Variants in RIMS1 observed in about 807,000 individuals in gnomAD.
RIMS1 encodes regulating synaptic membrane exocytosis 1, also known as regulating synaptic membrane exocytosis protein 1.
In RIMS1, 83 loss-of-function variants were observed where a neutral mutation model predicts 214.1. The ratio of observed to expected loss-of-function variants is 0.39; its 90% CI spans 0.32 to 0.47. The LOEUF (loss-of-function observed/expected upper bound fraction) is 0.47. Among genes scored for constraint, RIMS1 ranks in the 20% least tolerant of loss-of-function variants. The pLI, the probability that RIMS1 is intolerant of heterozygous loss-of-function variation, is 0.99. For synonymous variants in RIMS1, 793 were observed against 786.8 expected, an observed-to-expected ratio of 1.01 and a Z score of -0.13; for missense variants, 2,050 against 2,161.8, an observed-to-expected ratio of 0.95 and a Z score of 1.03.
chr6:72,357,957 C>T (rs1047487879), intron 29 of RIMS1, among the ~76,000 whole-genome samples: 8 of 152,146 alleles, frequency 5.3e-5, no homozygotes, highest in Admixed American at 5.2e-4. Context: ...TGATGCTCAA[C>T]GTCTTTACAT....
rs2095556755 is a variant in RIMS1 at position 72,312,438 on chromosome 6, G to A, written c.3964-1068G>A. On this transcript the variant is annotated intron_variant, in intron 27 of 33. Coordinates refer to ENST00000521978, the MANE Select transcript of RIMS1 (RefSeq NM_014989.7). ...ATTATAACATATATAAAAATAATAT[G>A]TAATATATAAGCTATTCACTGTGTG... Among the ~76,000 whole-genome samples the A allele has an allele frequency of 2.0e-5, 3 of 151,764 alleles. No individual in the cohort carries two copies. In the South Asian group the frequency reaches 6.2e-4, roughly 31 times the overall value.
chr6:72,337,711 G>C (rs1368174980), intron 29 of RIMS1, among the ~76,000 whole-genome samples: 1 of 149,320 alleles, frequency 6.7e-6, no homozygotes, highest in Non-Finnish European at 1.5e-5. Context: ...TTTAGCATTA[G>C]GTATATCTCC....
intron 4 of RIMS1, among the ~76,000 whole-genome samples, chr6:72,134,118 A>G (rs2040889087): frequency 6.6e-6 from 1 of 152,124 alleles, no homozygotes; most frequent in African/African-American, 2.4e-5. Context: ...GTCTTCCTTT[A>G]AAGACAATAC....
intron 29 of RIMS1, among the ~76,000 whole-genome samples, chr6:72,381,553 C>G (rs72935588): frequency 1.3e-5 from 2 of 152,334 alleles, no homozygotes; most frequent in Non-Finnish European, 2.9e-5. Flanking sequence ...GTATACAAAT[C>G]TCTTTACTTA....
intron 6 of RIMS1, among the ~76,000 whole-genome samples, chr6:72,225,569 G>T (rs1229703202): frequency 6.6e-6 from 1 of 152,100 alleles, no homozygotes; most frequent in African/African-American, 2.4e-5. Flanking sequence ...AACTTGCCCA[G>T]CACAACAATT....
At chr6:72,182,173 A>G (rs1023001766) in intron 5 of RIMS1, 111 bp from the exon 6 acceptor site, 6 of 1,207,488 alleles carry the variant, frequency 5.0e-6, no homozygotes, top group South Asian at 1.8e-5. Flanking sequence ...CCAAATCCCT[A>G]TAACTAATTA....
Position 72,177,381 on chromosome 6 carries a change from A to G in RIMS1, c.472-2194A>G, listed in dbSNP as rs539380339. Reference sequence around the variant, plus strand: ...ATTCTTCTGCCTCAGCCTCCCAAGTAGCTGGGATTATAGGCATGCACCACC... The same window carrying G: ...ATTCTTCTGCCTCAGCCTCCCAAGTGGCTGGGATTATAGGCATGCACCACC... On this transcript the variant is annotated intron_variant, in intron 4 of 33. Transcript: ENST00000521978. 2.6e-5 allele frequency among the ~76,000 whole-genome samples: 4 copies of G among 152,206 alleles called. No individual in the cohort carries two copies. In the East Asian group the frequency reaches 5.8e-4, roughly 22 times the overall value.
At chr6:72,197,451 A>G (rs961774109) in intron 6 of RIMS1, among the ~76,000 whole-genome samples, 20 of 152,190 alleles carry the variant, frequency 1.3e-4, no homozygotes, top group Admixed American at 7.9e-4. Flanking sequence ...CAAGTTTAGT[A>G]TAATACTTCC....
chr6:71,890,596 A>AAAAAAAAAAAAAAAAAC (rs1554194854), intron 1 of RIMS1, among the ~76,000 whole-genome samples: 1 of 112,948 alleles, frequency 8.9e-6, no homozygotes. Context: ...AAAAAAAAAA[A>AAAAAAAAAAAAAAAAAC]ACTTCATAGA....
rs935076465 is a variant in RIMS1 at position 72,308,447 on chromosome 6, T to C, written c.3963+1077T>C. Among the ~76,000 whole-genome samples the C allele has an allele frequency of 3.3e-5, 5 of 152,118 alleles. No individual in the cohort carries two copies. In the East Asian group the frequency reaches 9.6e-4, roughly 29 times the overall value. On this transcript the variant is annotated intron_variant, in intron 27 of 33. Coordinates refer to ENST00000521978, the MANE Select transcript of RIMS1 (RefSeq NM_014989.7). ...AAACTCTTTGGGAGGTAATAAGCTA[T>C]TAGAAATCAAAAGTAAATAAAACTA...
At position 71,920,145 on chromosome 6, in the gene RIMS1, A is replaced by T. The variant is rs147653959; in HGVS notation, c.164+32958A>T. 4.4e-3 allele frequency among the ~76,000 whole-genome samples: 668 copies of T among 152,350 alleles called. 1 individual carries two copies. The highest frequency in any genetic ancestry group is 7.0e-3 in the Non-Finnish European group (476 of 68,016). Reference sequence around the variant, plus strand: ...AGTAAATTATGGTTTAGTATAATTGATGCTTATAATGTTGAAACATGAGTC... The same window carrying T: ...AGTAAATTATGGTTTAGTATAATTGTTGCTTATAATGTTGAAACATGAGTC... On this transcript the variant is annotated intron_variant, in intron 1 of 33. Coordinates refer to ENST00000521978, the MANE Select transcript of RIMS1 (RefSeq NM_014989.7).
chr6:72,049,161 G>A (rs1823900758), intron 2 of RIMS1, among the ~76,000 whole-genome samples: 1 of 152,158 alleles, frequency 6.6e-6, no homozygotes, highest in African/African-American at 2.4e-5. Flanking sequence ...AAAATAAGAG[G>A]TTGAAGAAAC....
intron 2 of RIMS1, among the ~76,000 whole-genome samples, chr6:71,981,860 A>G (rs1033947647): frequency 6.6e-6 from 1 of 152,078 alleles, no homozygotes; most frequent in African/African-American, 2.4e-5. Flanking sequence ...TCTTGAAGAA[A>G]GAGACTGTAT....
intron 2 of RIMS1, among the ~76,000 whole-genome samples, chr6:71,978,123 A>G (rs969324081): frequency 1.3e-4 from 20 of 152,166 alleles, no homozygotes; most frequent in African/African-American, 4.8e-4. Flanking sequence ...TCTGTGCACT[A>G]AGGGGAGGAG....
intron 6 of RIMS1, among the ~76,000 whole-genome samples, chr6:72,194,476 A>G (rs144682291): frequency 8.9e-4 from 135 of 152,210 alleles, no homozygotes; most frequent in Admixed American, 4.4e-3. Flanking sequence ...CACATTTTCT[A>G]TGTATTTACT....
Position 72,364,714 on chromosome 6 carries a change from G to A in RIMS1, c.4367-25884G>A, listed in dbSNP as rs562100459. Among the ~76,000 whole-genome samples, 107 of 152,300 alleles carry A rather than the reference G, an allele frequency of 7.0e-4. 2 individuals carry two copies. Among genetic ancestry groups the A allele is most frequent in the Non-Finnish European group, 1.3e-3 (87 of 68,012 alleles). ...ACGAGTATTGATTGTGGGGAAATGA[G>A]ACAGGGAAAGGAAGTCAAAATACGG... On this transcript the variant is annotated intron_variant, in intron 29 of 33. Transcript: ENST00000521978.
intron 31 of RIMS1, among the ~76,000 whole-genome samples, chr6:72,393,580 A>G (rs918929450): frequency 3.3e-5 from 5 of 152,042 alleles, no homozygotes; most frequent in Admixed American, 2.0e-4. Context: ...AAAAAAAATT[A>G]GCCGGGCATA....
chr6:72,387,569 A>C (rs1442920704), intron 29 of RIMS1, among the ~76,000 whole-genome samples: 1 of 152,236 alleles, frequency 6.6e-6, no homozygotes, highest in African/African-American at 2.4e-5. Flanking sequence ...TAAACTAAAC[A>C]GCATTTACAA....
chr6:72,116,914 G>T (rs2037191148), intron 4 of RIMS1, among the ~76,000 whole-genome samples: 1 of 151,254 alleles, frequency 6.6e-6, no homozygotes, highest in South Asian at 2.1e-4. Context: ...GCTGTCAGTT[G>T]TAAGTGTGTG....
Sources: gnomAD v4.1 joint callset for allele counts (sites outside exome capture counted in the v4.1 genomes callset) on GRCh38, gnomAD v4.1.1 for gene constraint, MANE v1.5 for transcripts, NCBI Gene and HGNC (gene_info 2026-07-23, HGNC 2026-07-21) for gene names.